Variants in FIP1L1 observed in about 807,000 individuals in gnomAD.
FIP1L1 encodes factor interacting with PAPOLA and CPSF1.
Under a neutral mutation model 84.6 loss-of-function variants are expected in FIP1L1, and 21 were observed. That is an observed-to-expected ratio of 0.25 (90% CI 0.18 to 0.36). FIP1L1 has a LOEUF of 0.36. FIP1L1 is among the 10% of genes least tolerant of loss of function. The pLI, the probability that FIP1L1 is intolerant of heterozygous loss-of-function variation, is 1.00. For synonymous variants in FIP1L1, 263 were observed against 242.3 expected (o/e 1.09, Z -0.80); for missense variants, 526 against 751.1 (o/e 0.70, Z 3.50).
intron 13 of FIP1L1, chr4:53,440,545 C>T: frequency 1.5e-6 from 2 of 1,349,782 alleles, no homozygotes; most frequent in Non-Finnish European, 2.1e-6. Flanking sequence ...GTTCTGAAAT[C>T]CAATTACTAT....
chr4:53,458,834 T>G (rs776313893), intron 17 of FIP1L1, 44 bp downstream of exon 17: 2 of 1,580,580 alleles, frequency 1.3e-6, no homozygotes, highest in Non-Finnish European at 8.6e-7. Flanking sequence ...ATGTGAGAGA[T>G]TTTGACTTAC....
intron 13 of FIP1L1, among the ~76,000 whole-genome samples, chr4:53,436,080 G>C (rs1769054680): frequency 6.7e-6 from 1 of 149,982 alleles, no homozygotes; most frequent in Admixed American, 6.7e-5. Flanking sequence ...AGGAAGCGTA[G>C]TTTACATATT....
chr4:53,454,658 A>G (rs1427941257), intron 16 of FIP1L1, among the ~76,000 whole-genome samples: 1 of 152,172 alleles, frequency 6.6e-6, no homozygotes, highest in East Asian at 1.9e-4. Flanking sequence ...TCGATTTACC[A>G]TAATTCTAAG....
At chr4:53,453,277 A>C in intron 16 of FIP1L1, 144 bp downstream of exon 16, 2 of 870,176 alleles carry the variant, frequency 2.3e-6, no homozygotes, top group Non-Finnish European at 3.5e-6. Context: ...ATGATAAAGG[A>C]TTAGAGGCTT....
At chr4:53,377,989 C>T in intron 1 of FIP1L1, 66 bp downstream of exon 1, 1 of 1,371,694 alleles carries the variant, frequency 7.3e-7, no homozygotes, top group South Asian at 1.5e-5. Context: ...CTCAAACGGC[C>T]GGCGTCCCTG....
rs147346461 is a variant in FIP1L1, at chr4:53,383,896, G to A, written c.332+20G>A. The A allele has an allele frequency of 1.0e-4, 163 of 1,606,014 alleles. 1 individual carries two copies. The East Asian group carries it at 2.5e-3, about 25-fold the overall frequency. The stretch of plus-strand genomic sequence containing the variant: ...GTATGGGTAAGTTATTTTTTAGTAA[G>A]TAACAATTGTGTAAATGCTATATAG... On this transcript the variant is annotated intron_variant, in intron 5 of 17. Coordinates refer to ENST00000337488, the MANE Select transcript of FIP1L1 (RefSeq NM_030917.4).
At chr4:53,397,195 A>G (rs1352807601) in intron 9 of FIP1L1, among the ~76,000 whole-genome samples, 1 of 152,242 alleles carries the variant, frequency 6.6e-6, no homozygotes, top group Non-Finnish European at 1.5e-5. Context: ...CGATGACACT[A>G]ATACATCATC....
intron 10 of FIP1L1, among the ~76,000 whole-genome samples, chr4:53,413,520 A>G (rs1356220554): frequency 2.0e-5 from 3 of 151,710 alleles, no homozygotes; most frequent in East Asian, 3.9e-4. Flanking sequence ...TCCATATTGC[A>G]TCTCCTTTTT....
intron 16 of FIP1L1, among the ~76,000 whole-genome samples, chr4:53,454,390 A>C (rs1415124650): frequency 6.6e-6 from 1 of 152,230 alleles, no homozygotes; most frequent in Non-Finnish European, 1.5e-5. Context: ...AAATCACCTA[A>C]TAATGCATTT....
intron 5 of FIP1L1, among the ~76,000 whole-genome samples, chr4:53,385,833 A>T (rs1332693739): frequency 2.6e-5 from 4 of 152,118 alleles, no homozygotes; most frequent in Non-Finnish European, 1.5e-5. Context: ...GCATTTCGAA[A>T]GTAAAGTACA....
intron 13 of FIP1L1, among the ~76,000 whole-genome samples, chr4:53,438,017 GC>G (rs1405658471): frequency 6.6e-6 from 1 of 152,024 alleles, no homozygotes; most frequent in East Asian, 1.9e-4. Context: ...GAGCCACCGC[GC>G]CCGGCCTATG....
chr4:53,455,856 G>A (rs562094175), intron 16 of FIP1L1, among the ~76,000 whole-genome samples: 3 of 151,484 alleles, frequency 2.0e-5, no homozygotes, highest in East Asian at 1.9e-4. Context: ...TCTTTTTTCC[G>A]TCCTTTGGCT....
intron 11 of FIP1L1, among the ~76,000 whole-genome samples, chr4:53,420,131 G>C (rs1190955833): frequency 7.0e-6 from 1 of 142,398 alleles, no homozygotes; most frequent in African/African-American, 2.6e-5. Flanking sequence ...CCGGGAGGCG[G>C]AGCTTGCAGT....
chr4:53,409,067 C>T (rs1322868338), intron 10 of FIP1L1, among the ~76,000 whole-genome samples: 1 of 152,166 alleles, frequency 6.6e-6, no homozygotes, highest in Non-Finnish European at 1.5e-5. Context: ...GGAGGAGAGG[C>T]ACTCTGCTTT....
Position 53,382,215 on chromosome 4 carries a change from A to G in FIP1L1, c.171-63A>G, listed in dbSNP as rs758179094. On this transcript the variant is annotated intron_variant, in intron 3 of 17. Coordinates refer to ENST00000337488, the MANE Select transcript of FIP1L1 (RefSeq NM_030917.4). ...TTTATTAAAGCTTAGAAATACTAATATAATCTATCTGTACTTCCGAAAAGT... is the reference window on the plus strand; with the variant it reads ...TTTATTAAAGCTTAGAAATACTAATGTAATCTATCTGTACTTCCGAAAAGT... 4 of 1,146,168 alleles carry G rather than the reference A, an allele frequency of 3.5e-6. No homozygotes were observed. In the Admixed American group the frequency reaches 5.3e-5, roughly 15 times the overall value. 71.0% of individuals were successfully genotyped at this position (1,146,168 alleles called of 1,614,324 possible).
chr4:53,440,694 G>C, intron 13 of FIP1L1: 1 of 931,916 alleles, frequency 1.1e-6, no homozygotes, highest in Non-Finnish European at 1.7e-6. Flanking sequence ...GTGTTGATGC[G>C]GTTAGAATAT....
chr4:53,378,131 A>G, intron 1 of FIP1L1: 1 of 434,288 alleles, frequency 2.3e-6, no homozygotes, highest in Admixed American at 4.3e-5. Flanking sequence ...ATGCGCATCC[A>G]CCCCTGTGGC....
chr4:53,446,467 G>A (rs1041758314), intron 15 of FIP1L1, among the ~76,000 whole-genome samples: 1 of 152,164 alleles, frequency 6.6e-6, no homozygotes, highest in Non-Finnish European at 1.5e-5. Flanking sequence ...CTGAGGCAGT[G>A]TAGCATCATT....
At chr4:53,408,149 A>T (rs1269761721) in intron 10 of FIP1L1, among the ~76,000 whole-genome samples, 11 of 152,012 alleles carry the variant, frequency 7.2e-5, no homozygotes, top group Non-Finnish European at 8.8e-5. Context: ...TTCCTTTCCA[A>T]GTTTAGTGCT....
Sources: gnomAD v4.1 joint callset for allele counts (sites outside exome capture counted in the v4.1 genomes callset) on GRCh38, gnomAD v4.1.1 for gene constraint, MANE v1.5 for transcripts, NCBI Gene and HGNC (gene_info 2026-07-23, HGNC 2026-07-21) for gene names.